Variants in NAALADL2 observed in about 807,000 individuals in gnomAD.
NAALADL2 encodes the protein inactive N-acetylated-alpha-linked acidic dipeptidase-like protein 2.
Under a neutral mutation model 87.2 loss-of-function variants are expected in NAALADL2, and 76 were observed. The ratio of observed to expected loss-of-function variants is 0.87; its 90% CI spans 0.72 to 1.05. The LOEUF (loss-of-function observed/expected upper bound fraction) is 1.05, where lower values mean the gene tolerates loss of function less well. NAALADL2 is among the 50% of genes least tolerant of loss of function. The pLI is 0.00. For missense variants in NAALADL2, 1,089 were observed against 945.8 expected, an observed-to-expected ratio of 1.15 and a Z score of -1.99; for synonymous variants, 354 against 331.0, an observed-to-expected ratio of 1.07 and a Z score of -0.75.
chr3:174,485,125 T>C (rs1257667928), intron 1 of NAALADL2, among the ~76,000 whole-genome samples: 3 of 151,976 alleles, frequency 2.0e-5, no homozygotes, highest in South Asian at 2.1e-4. Flanking sequence ...ATTCATTCAA[T>C]AGTGAATCAA....
intron 1 of NAALADL2, among the ~76,000 whole-genome samples, chr3:174,443,105 G>A (rs760454914): frequency 6.6e-6 from 1 of 152,174 alleles, no homozygotes; most frequent in African/African-American, 2.4e-5. Flanking sequence ...TTTACTTGAA[G>A]CCATTTGGAG....
intron 4 of NAALADL2, among the ~76,000 whole-genome samples, chr3:175,271,871 A>T (rs1453405073): frequency 6.6e-6 from 1 of 152,088 alleles, no homozygotes; most frequent in Non-Finnish European, 1.5e-5. Context: ...AAATAATCTT[A>T]TAAAATAAGA....
intron 1 of NAALADL2, among the ~76,000 whole-genome samples, chr3:174,917,558 T>G (rs570899977): frequency 5.9e-5 from 9 of 152,274 alleles, no homozygotes; most frequent in African/African-American, 1.9e-4. Context: ...CTTGAATACC[T>G]GTAGCACAAA....
At chr3:175,305,282 G>T (rs530921254) in intron 4 of NAALADL2, among the ~76,000 whole-genome samples, 11 of 140,814 alleles carry the variant, frequency 7.8e-5, no homozygotes, top group African/African-American at 2.8e-4. Context: ...ATGTGTATGT[G>T]TGTGTATGTG....
intron 10 of NAALADL2, among the ~76,000 whole-genome samples, chr3:175,593,567 A>G (rs776876610): frequency 2.0e-5 from 3 of 152,166 alleles, no homozygotes; most frequent in African/African-American, 4.8e-5. Context: ...TCCAATATCA[A>G]GATGTCATTA....
chr3:174,521,774 G>C (rs2108414151), intron 1 of NAALADL2, among the ~76,000 whole-genome samples: 1 of 152,104 alleles, frequency 6.6e-6, no homozygotes, highest in South Asian at 2.1e-4. Flanking sequence ...TAGACAATGG[G>C]ACTTCAAAAG....
At position 174,552,200 on chromosome 3, in the gene NAALADL2, C is replaced by T. The variant is rs117984686; in HGVS notation, c.-115+1563C>T. Among the ~76,000 whole-genome samples, 58 of 152,110 alleles carry T rather than the reference C, an allele frequency of 3.8e-4. 1 individual carries two copies. In the East Asian group the frequency reaches 9.5e-3, roughly 25 times the overall value. On this transcript the variant is annotated intron_variant, in intron 2 of 3. Transcript: ENST00000434257. ...ATCGTTGGAACACTTTCAAATATAA[C>T]GTATATAATCTTTCCGAAAGCTCAG... is the stretch of plus-strand genomic sequence containing the variant.
chr3:175,553,622 C>A (rs1377372196), intron 9 of NAALADL2, among the ~76,000 whole-genome samples: 1 of 146,732 alleles, frequency 6.8e-6, no homozygotes, highest in Admixed American at 7.1e-5. Flanking sequence ...AGCACAGCTC[C>A]TGAAAATGAT....
chr3:175,115,028 A>C (rs377201393), intron 2 of NAALADL2, among the ~76,000 whole-genome samples: 34 of 151,780 alleles, frequency 2.2e-4, no homozygotes, highest in African/African-American at 7.0e-4. Context: ...AGCACTTATA[A>C]ACTTGTTTTT....
At chr3:175,209,385 A>G (rs896376065) in intron 2 of NAALADL2, among the ~76,000 whole-genome samples, 3 of 152,128 alleles carry the variant, frequency 2.0e-5, no homozygotes, top group Admixed American at 2.0e-4. Context: ...TTTGAAGAGC[A>G]GAAGCATAAC....
At chr3:175,474,807 G>C (rs1176346457) in intron 9 of NAALADL2, among the ~76,000 whole-genome samples, 1 of 151,890 alleles carries the variant, frequency 6.6e-6, no homozygotes, top group Non-Finnish European at 1.5e-5. Context: ...CCTTGTATTT[G>C]GTTCTTATGA....
chr3:175,597,569 A>G (rs1286978590), intron 10 of NAALADL2, among the ~76,000 whole-genome samples: 1 of 152,040 alleles, frequency 6.6e-6, no homozygotes, highest in Admixed American at 6.6e-5. Context: ...GTTGAGTATT[A>G]CATCAGGCTA....
Position 175,578,537 on chromosome 3 carries a change from A to T in NAALADL2, c.1800+2350A>T, listed in dbSNP as rs190189720. ...CTAAGCATTTTATACCCCTTATATC[A>T]TTTATTATTTAAAACATCACTATAA... On this transcript the variant is annotated intron_variant, in intron 10 of 13. Coordinates refer to ENST00000454872, the MANE Select transcript of NAALADL2 (RefSeq NM_207015.3). 1.7e-4 allele frequency among the ~76,000 whole-genome samples: 26 copies of T among 152,290 alleles called. No homozygotes were observed. In the East Asian group the frequency reaches 5.0e-3, roughly 29 times the overall value.
intron 2 of NAALADL2, among the ~76,000 whole-genome samples, chr3:175,158,231 A>AT (rs1461325332): frequency 3.3e-5 from 5 of 152,118 alleles, no homozygotes; most frequent in Admixed American, 6.6e-5. Flanking sequence ...CTTTAGGCAC[A>AT]TTTCAGTAGG....
At chr3:174,991,245 C>CAGCAATACA (rs1324421015) in intron 1 of NAALADL2, among the ~76,000 whole-genome samples, 9 of 151,982 alleles carry the variant, frequency 5.9e-5, no homozygotes, top group Admixed American at 1.3e-4. Flanking sequence ...TGTTGTAGAA[C>CAGCAATACA]AGTAAATACA....
intron 2 of NAALADL2, among the ~76,000 whole-genome samples, chr3:175,178,296 G>A (rs1029265101): frequency 8.5e-5 from 13 of 152,048 alleles, no homozygotes; most frequent in Non-Finnish European, 1.8e-4. Context: ...AATAAAAAAA[G>A]GGTACATATA....
chr3:175,530,412 A>C (rs950768594), intron 9 of NAALADL2, among the ~76,000 whole-genome samples: 1 of 152,214 alleles, frequency 6.6e-6, no homozygotes, highest in African/African-American at 2.4e-5. Flanking sequence ...GTCATCAAGC[A>C]TCTGGCCATT....
rs933173029 is a variant in NAALADL2 at position 175,315,941 on chromosome 3, C to T, written c.940-8234C>T. Among the ~76,000 whole-genome samples, 5 of 152,238 alleles carry T rather than the reference C, an allele frequency of 3.3e-5. No homozygotes were observed. The East Asian group carries it at 5.8e-4, about 18-fold the overall frequency. The stretch of plus-strand genomic sequence containing the variant: ...TCACCAATAGTTTAGAAGCAAATTT[C>T]ATATATGACCCTATATTTAAAAATG... On this transcript the variant is annotated intron_variant, in intron 4 of 13. Transcript: ENST00000454872.
chr3:175,318,344 T>C (rs553210418), intron 4 of NAALADL2, among the ~76,000 whole-genome samples: 8 of 152,174 alleles, frequency 5.3e-5, no homozygotes, highest in African/African-American at 1.7e-4. Context: ...TAACATTAAC[T>C]ATTTCTTGAC....
Sources: gnomAD v4.1 joint callset for allele counts (sites outside exome capture counted in the v4.1 genomes callset) on GRCh38, gnomAD v4.1.1 for gene constraint, MANE v1.5 for transcripts, NCBI Gene and HGNC (gene_info 2026-07-23, HGNC 2026-07-21) for gene names.